SLC9C1: variants seen among roughly 807,000 people sequenced by gnomAD.
SLC9C1 encodes sodium/hydrogen exchanger 10.
Under a neutral mutation model 140.9 loss-of-function variants are expected in SLC9C1, and 97 were observed. The observed-to-expected ratio is 0.69, with a 90% CI of 0.58 to 0.82. SLC9C1 has a LOEUF of 0.82. Among genes scored for constraint, SLC9C1 ranks in the 40% least tolerant of loss-of-function variants. The pLI is 0.00. For missense variants in SLC9C1, 1,340 were observed against 1,389.3 expected (o/e 0.96, Z 0.56); for synonymous variants, 440 against 442.6 (o/e 0.99, Z 0.07).
chr3:112,170,963 T>C (rs2107925237), intron 23 of SLC9C1, among the ~76,000 whole-genome samples: 1 of 152,300 alleles, frequency 6.6e-6, no homozygotes, highest in East Asian at 1.9e-4. Context: ...CCTGTAATCT[T>C]AGCACTTTGG....
At chr3:112,255,856 G>T (rs1317199617) in intron 10 of SLC9C1, among the ~76,000 whole-genome samples, 1 of 151,924 alleles carries the variant, frequency 6.6e-6, no homozygotes, top group Non-Finnish European at 1.5e-5. Flanking sequence ...TAATAAAGAA[G>T]AGAACATTCA....
chr3:112,211,242 C>T (rs1050074437), intron 15 of SLC9C1, among the ~76,000 whole-genome samples: 8 of 152,054 alleles, frequency 5.3e-5, no homozygotes, highest in African/African-American at 1.2e-4. Context: ...CCAAGATAGC[C>T]GAATAGGAAC....
intron 23 of SLC9C1, among the ~76,000 whole-genome samples, chr3:112,171,498 T>C (rs1049054127): frequency 6.6e-6 from 1 of 152,212 alleles, no homozygotes; most frequent in African/African-American, 2.4e-5. Context: ...TATTTATAGA[T>C]TCTATTATCA....
chr3:112,232,569 T>G (rs2078857371), intron 12 of SLC9C1, among the ~76,000 whole-genome samples: 1 of 152,144 alleles, frequency 6.6e-6, no homozygotes, highest in African/African-American at 2.4e-5. Context: ...ATGGATTTTT[T>G]CAGAATTCTA....
intron 28 of SLC9C1, among the ~76,000 whole-genome samples, chr3:112,144,558 A>G (rs763892612): frequency 1.3e-5 from 2 of 152,160 alleles, no homozygotes; most frequent in Non-Finnish European, 2.9e-5. Flanking sequence ...TTTTAACAAT[A>G]TTGATTCTTC....
At chr3:112,152,638 C>T (rs2075018999) in intron 27 of SLC9C1, among the ~76,000 whole-genome samples, 1 of 152,170 alleles carries the variant, frequency 6.6e-6, no homozygotes, top group African/African-American at 2.4e-5. Flanking sequence ...ATATCTCAGG[C>T]TGTCTCAGTG....
chr3:112,158,749 G>T (rs1035369611), intron 26 of SLC9C1, among the ~76,000 whole-genome samples: 2 of 151,658 alleles, frequency 1.3e-5, no homozygotes, highest in South Asian at 2.1e-4. Flanking sequence ...AATTTTGATA[G>T]GTTGTATGTG....
At chr3:112,189,825 G>C (rs1354189192) in intron 20 of SLC9C1, among the ~76,000 whole-genome samples, 1 of 152,198 alleles carries the variant, frequency 6.6e-6, no homozygotes, top group African/African-American at 2.4e-5. Context: ...ACCTTGGGCA[G>C]TATGGCCATT....
chr3:112,281,853 T>C (rs2080366338), intron 2 of SLC9C1, among the ~76,000 whole-genome samples: 1 of 152,180 alleles, frequency 6.6e-6, no homozygotes, highest in Admixed American at 6.5e-5. Context: ...TTATGAAAAG[T>C]TTATATATGT....
intron 20 of SLC9C1, among the ~76,000 whole-genome samples, chr3:112,195,727 A>T (rs1016329688): frequency 1.3e-5 from 2 of 151,962 alleles, no homozygotes; most frequent in Non-Finnish European, 2.9e-5. Context: ...ACATTCAAAA[A>T]CTCTATTCCT....
At chr3:112,177,361 TC>T (rs760956765) in intron 23 of SLC9C1, among the ~76,000 whole-genome samples, 16 of 151,936 alleles carry the variant, frequency 1.1e-4, no homozygotes, top group Admixed American at 3.3e-4. Flanking sequence ...TAGTTGTGTC[TC>T]ATCCTGGGCA....
rs199894535 is a variant in SLC9C1, at chr3:112,177,744, AG to A, written c.2919+1786del. On this transcript the variant is annotated intron_variant, in intron 23 of 28. Coordinates refer to ENST00000305815, the MANE Select transcript of SLC9C1 (RefSeq NM_183061.3). ...TTCAAAAAAAAAAAAAAAATTAAAT[AG>A]AAAAAAAATCACATTTGCCTCATAT... 3.9e-3 allele frequency among the ~76,000 whole-genome samples: 589 copies of A among 149,940 alleles called. 18 individuals carry two copies. The East Asian group carries it at 0.055, about 14-fold the overall frequency.
intron 1 of SLC9C1, among the ~76,000 whole-genome samples, chr3:112,288,005 T>G (rs1427034593): frequency 8.8e-5 from 11 of 125,246 alleles, no homozygotes; most frequent in Non-Finnish European, 1.6e-5. Flanking sequence ...ATCGTGCCAC[T>G]GCACTCCAGC....
chr3:112,265,043 G>A (rs535401884), intron 8 of SLC9C1, among the ~76,000 whole-genome samples: 1 of 152,082 alleles, frequency 6.6e-6, no homozygotes, highest in African/African-American at 2.4e-5. Flanking sequence ...ATGTGACTTA[G>A]AGTTCTATAG....
Position 112,277,339 on chromosome 3 carries a change from G to A in SLC9C1, c.484+356C>T, listed in dbSNP as rs139529460. 5.7e-4 allele frequency among the ~76,000 whole-genome samples: 86 copies of A among 152,184 alleles called. No individual in the cohort carries two copies. The Middle Eastern group carries it at 0.01, about 18-fold the overall frequency. ...GTTGTCCTAATGATTCTTTACAAAG[G>A]AAAAGAAATATTGGGCAACAGAAAT... On this transcript the variant is annotated intron_variant, in intron 5 of 28. Transcript: ENST00000305815.
intron 12 of SLC9C1, among the ~76,000 whole-genome samples, chr3:112,232,694 G>A (rs2078860941): frequency 6.6e-6 from 1 of 152,060 alleles, no homozygotes; most frequent in Non-Finnish European, 1.5e-5. Context: ...AACTGGACAT[G>A]ATGTAGGACA....
chr3:112,263,241 C>A, intron 9 of SLC9C1, 143 bp from the exon 10 acceptor site: 1 of 589,654 alleles, frequency 1.7e-6, no homozygotes, highest in South Asian at 4.1e-5. Flanking sequence ...TGACATGACA[C>A]CAAAGAAAGG....
chr3:112,183,363 T>TTTTTTGTTTTTTTTTTTTTTTTG, intron 20 of SLC9C1, among the ~76,000 whole-genome samples: 1 of 143,482 alleles, frequency 7.0e-6, no homozygotes. Flanking sequence ...TTTTTTTTTT[T>TTTTTTGTTTTTTTTTTTTTTTTG]TTTTTTTCAG....
At chr3:112,220,184 CAT>C (rs988569939) in intron 14 of SLC9C1, among the ~76,000 whole-genome samples, 2 of 152,172 alleles carry the variant, frequency 1.3e-5, no homozygotes, top group African/African-American at 4.8e-5. Flanking sequence ...TATCATGACA[CAT>C]ATAATGTCAT....
Sources: gnomAD v4.1 joint callset for allele counts (sites outside exome capture counted in the v4.1 genomes callset) on GRCh38, gnomAD v4.1.1 for gene constraint, MANE v1.5 for transcripts, NCBI Gene and HGNC (gene_info 2026-07-23, HGNC 2026-07-21) for gene names.